ZNF678: variants seen among roughly 807,000 people sequenced by gnomAD.
ZNF678 encodes hypothetical protein MGC42493.
ZNF678 carries 5 observed loss-of-function variants against 3.0 expected under a neutral mutation model. The ratio of observed to expected loss-of-function variants is 1.69; its 90% confidence interval spans 0.88 to 3.56. The LOEUF is 3.56. Among genes scored for constraint, ZNF678 ranks in the 30% most tolerant of loss-of-function variants. The pLI is 0.00. For synonymous variants in ZNF678, 218 were observed against 199.6 expected, an observed-to-expected ratio of 1.09 and a Z score of -0.78; for missense variants, 593 against 605.0, an observed-to-expected ratio of 0.98 and a Z score of 0.21.
At position 227,597,486 on chromosome 1, in the gene ZNF678, C is replaced by A. The variant is rs192213068; in HGVS notation, c.-164+33762C>A. ...TATAAAACATGCGTTTTAGAATCTT[C>A]AGCTATCAAGTTCAAAAAGTACCAG... On this transcript the variant is annotated intron_variant, in intron 1 of 3. Coordinates refer to ENST00000343776, the MANE Select transcript of ZNF678 (RefSeq NM_001367909.1). Among the ~76,000 whole-genome samples the A allele has an allele frequency of 4.0e-3, 615 of 152,350 alleles. 5 individuals carry two copies. The highest frequency in any genetic ancestry group is 0.014 in the African/African-American group (565 of 41,580).
rs77233896 is a variant in ZNF678 at position 227,626,358 on chromosome 1, G to A, written c.-163-20186G>A. Among the ~76,000 whole-genome samples the A allele has an allele frequency of 5.3e-4, 80 of 152,290 alleles. 1 individual carries two copies. In the East Asian group the frequency reaches 0.015, roughly 28 times the overall value. ...ATTCTACTCCAGCCATTTTAACCGC[G>A]GTTGGGATAGATAAAATGACTGAGT... On this transcript the variant is annotated intron_variant, in intron 1 of 3. Transcript: ENST00000343776.
chr1:227,592,850 T>C (rs1364182538), intron 1 of ZNF678, among the ~76,000 whole-genome samples: 2 of 152,208 alleles, frequency 1.3e-5, no homozygotes, highest in Non-Finnish European at 2.9e-5. Flanking sequence ...CAAGTGCCAC[T>C]CCAGTTATTC....
chr1:227,567,005 A>G (rs1656705506), intron 1 of ZNF678, among the ~76,000 whole-genome samples: 1 of 152,230 alleles, frequency 6.6e-6, no homozygotes, highest in Admixed American at 6.5e-5. Flanking sequence ...GGTAAATTAT[A>G]TAGATTCATG....
intron 1 of ZNF678, among the ~76,000 whole-genome samples, chr1:227,627,031 T>C (rs1658436310): frequency 6.7e-6 from 1 of 149,598 alleles, no homozygotes. Flanking sequence ...GGGTAAAATC[T>C]AGTTGCCAGT....
rs546836725 is a variant in ZNF678 at position 227,638,835 on chromosome 1, G to A, written c.-163-7709G>A. On this transcript the variant is annotated intron_variant, in intron 1 of 3. Transcript: ENST00000343776. The surrounding 1 kb of genome is among the most constrained non-coding windows in gnomAD (Gnocchi z 4.2). ...GCAGGGGCTTGGGGTTTGGAGAGTT[G>A]TCCATCAATTCCCACAACAGAGACT... 2.0e-5 allele frequency among the ~76,000 whole-genome samples: 3 copies of A among 152,012 alleles called. No individual in the cohort carries two copies. The South Asian group carries it at 6.3e-4, about 32-fold the overall frequency.
intron 1 of ZNF678, among the ~76,000 whole-genome samples, chr1:227,590,501 C>T (rs528204094): frequency 2.6e-5 from 4 of 151,870 alleles, no homozygotes; most frequent in South Asian, 2.1e-4. Flanking sequence ...GGTATCCCCA[C>T]GAGCCGTCTT....
intron 1 of ZNF678, among the ~76,000 whole-genome samples, chr1:227,596,151 G>A (rs930801209): frequency 2.0e-5 from 3 of 152,184 alleles, no homozygotes; most frequent in African/African-American, 4.8e-5. Flanking sequence ...CAGGATCTGC[G>A]TTGCTTGGGC....
At chr1:227,648,704 A>T (rs75617978) in intron 2 of ZNF678, among the ~76,000 whole-genome samples, 33,350 of 152,004 alleles carry the variant, frequency 0.22, 4,046 homozygotes, top group East Asian at 0.44. Flanking sequence ...CTGTAATCCC[A>T]GCTACTCAGG....
chr1:227,606,400 A>G (rs1657872290), intron 1 of ZNF678, among the ~76,000 whole-genome samples: 1 of 152,214 alleles, frequency 6.6e-6, no homozygotes, highest in Non-Finnish European at 1.5e-5. Flanking sequence ...TCAGTGTAGC[A>G]AAGAGTAACA....
chr1:227,591,131 G>T (rs1477568744), intron 1 of ZNF678, among the ~76,000 whole-genome samples: 1 of 151,808 alleles, frequency 6.6e-6, no homozygotes, highest in African/African-American at 2.4e-5. Context: ...TTTGGTACTG[G>T]CACATTTAGT....
chr1:227,642,847 T>C (rs537170499), intron 1 of ZNF678, among the ~76,000 whole-genome samples: 2 of 152,272 alleles, frequency 1.3e-5, no homozygotes, highest in African/African-American at 4.8e-5. Context: ...GATGGGAGTT[T>C]CTTCAGTTTC....
rs578033619 is a variant in ZNF678, at chr1:227,654,514, A to G, written c.264A>G (p.Gln88=). Residue 88 remains glutamine, a synonymous_variant, in exon 4 of 4, where the codon CAA becomes CAG. Transcript: ENST00000343776. The part of the protein sequence containing the change: ...GQKEYCNRLT[Q]CSSTKSKIFQ... ...AAGAATATTGCAATAGACTTACTCA[A>G]TGTTCATCAACTAAAAGCAAAATCT... The G allele has an allele frequency of 4.3e-5, 70 of 1,613,324 alleles. No homozygotes were observed. The highest frequency in any genetic ancestry group is 1.3e-4 in the East Asian group (6 of 44,846).
chr1:227,585,136 A>G (rs1280036376), intron 1 of ZNF678, among the ~76,000 whole-genome samples: 1 of 152,212 alleles, frequency 6.6e-6, no homozygotes, highest in Admixed American at 6.5e-5. Context: ...AGAGTAGTAG[A>G]AGATGAGAAA....
chr1:227,669,419 G>C (rs961142377), intron 5 of ZNF678, among the ~76,000 whole-genome samples: 5 of 151,904 alleles, frequency 3.3e-5, no homozygotes, highest in African/African-American at 1.2e-4. Context: ...GGTGGATCAC[G>C]AGGTCAGGAG....
At chr1:227,573,551 C>G (rs538212814) in intron 1 of ZNF678, among the ~76,000 whole-genome samples, 1 of 152,330 alleles carries the variant, frequency 6.6e-6, no homozygotes, top group South Asian at 2.1e-4. Context: ...TTATACCTAA[C>G]ATATATAAGG....
chr1:227,605,102 G>A (rs112495732), intron 1 of ZNF678, among the ~76,000 whole-genome samples: 31,531 of 152,036 alleles, frequency 0.21, 3,723 homozygotes, highest in East Asian at 0.44. Context: ...GGATCCGCCC[G>A]CCTCGGCCTC....
chr1:227,574,576 C>T (rs554446111), intron 1 of ZNF678, among the ~76,000 whole-genome samples: 85 of 151,936 alleles, frequency 5.6e-4, no homozygotes, highest in Non-Finnish European at 9.0e-4. Context: ...TTGCCAGGTG[C>T]GTAGTTTGCA....
At chr1:227,612,467 A>C (rs1437038930) in intron 1 of ZNF678, among the ~76,000 whole-genome samples, 5 of 152,146 alleles carry the variant, frequency 3.3e-5, no homozygotes, top group African/African-American at 4.8e-5. Context: ...AACGGTGCTG[A>C]TTTCTGTGCC....
At chr1:227,674,137 G>A (rs1220488527) in intron 5 of ZNF678, among the ~76,000 whole-genome samples, 1 of 152,178 alleles carries the variant, frequency 6.6e-6, no homozygotes, top group Non-Finnish European at 1.5e-5. Context: ...AAGTTTCAGG[G>A]AAGAGAAGGC....
Sources: allele counts gnomAD v4.1 joint callset (sites outside exome capture counted in the v4.1 genomes callset), GRCh38; gene constraint gnomAD v4.1.1; non-coding constraint Gnocchi (gnomAD v3.1); transcripts MANE v1.5; gene names NCBI Gene and HGNC (gene_info 2026-07-23, HGNC 2026-07-21).